NRXN3: variants seen among roughly 807,000 people sequenced by gnomAD.
NRXN3 encodes neurexin III.
Under a neutral mutation model 137.6 loss-of-function variants are expected in NRXN3, and 32 were observed. That is an observed-to-expected ratio of 0.23 (90% CI 0.18 to 0.31). The LOEUF (loss-of-function observed/expected upper bound fraction) is 0.31, where lower values mean the gene tolerates loss of function less well. NRXN3 is among the 10% of genes least tolerant of loss of function. The pLI, the probability that NRXN3 is intolerant of heterozygous loss-of-function variation, is 1.00. For synonymous variants in NRXN3, 798 were observed against 784.5 expected, an observed-to-expected ratio of 1.02 and a Z score of -0.29; for missense variants, 1,574 against 2,062.5, an observed-to-expected ratio of 0.76 and a Z score of 4.59.
At chr14:78,846,800 T>C (rs2099028375) in intron 10 of NRXN3, among the ~76,000 whole-genome samples, 1 of 152,136 alleles carries the variant, frequency 6.6e-6, no homozygotes, top group Non-Finnish European at 1.5e-5. Flanking sequence ...CCTCTGTGGT[T>C]TGCCTTCCCA....
chr14:78,270,872 T>C (rs182539961), intron 2 of NRXN3, among the ~76,000 whole-genome samples: 1 of 152,336 alleles, frequency 6.6e-6, no homozygotes, highest in East Asian at 1.9e-4. Flanking sequence ...TCGCTTTTGA[T>C]TATGCAGGAT....
chr14:79,260,982 C>A (rs1417715940), intron 15 of NRXN3, among the ~76,000 whole-genome samples: 2 of 152,192 alleles, frequency 1.3e-5, no homozygotes, highest in Non-Finnish European at 2.9e-5. Context: ...TACTTGCTGT[C>A]TGCAAAGATC....
intron 4 of NRXN3, among the ~76,000 whole-genome samples, chr14:78,366,775 C>G (rs2086016962): frequency 6.6e-6 from 1 of 152,188 alleles, no homozygotes; most frequent in Non-Finnish European, 1.5e-5. Flanking sequence ...CTCCATGATT[C>G]AATTACCTCC....
In NRXN3 at chr14:79,465,428, G is replaced by A. The variant is rs531962362; in HGVS notation, c.3263-1793G>A. ...ATTCATAAAAGGAAAATAATGTTAT[G>A]CTACATGTAATATACAAATTGAGCA... On this transcript the variant is annotated intron_variant, in intron 15 of 20. Transcript: ENST00000335750. Among the ~76,000 whole-genome samples, 15 of 152,238 alleles carry A rather than the reference G, an allele frequency of 9.9e-5. No homozygotes were observed. In the South Asian group the frequency reaches 3.1e-3, roughly 32 times the overall value.
intron 10 of NRXN3, among the ~76,000 whole-genome samples, chr14:78,887,621 A>G (rs1244870664): frequency 6.6e-6 from 1 of 152,066 alleles, no homozygotes; most frequent in African/African-American, 2.4e-5. Flanking sequence ...ACATTGCATT[A>G]TTATGAAGAT....
intron 19 of NRXN3, among the ~76,000 whole-genome samples, chr14:79,726,431 A>T (rs188292850): frequency 7.2e-5 from 11 of 152,062 alleles, no homozygotes; most frequent in South Asian, 2.1e-4. Flanking sequence ...ATTTTTTTTT[A>T]AAATCCTCCA....
At chr14:78,575,606 G>A (rs760653224) in intron 4 of NRXN3, among the ~76,000 whole-genome samples, 6 of 151,946 alleles carry the variant, frequency 3.9e-5, no homozygotes, top group Non-Finnish European at 8.8e-5. Context: ...AAACAGCAGT[G>A]GATAAAACAA....
chr14:79,413,824 T>C (rs914405970), intron 15 of NRXN3, among the ~76,000 whole-genome samples: 2 of 136,602 alleles, frequency 1.5e-5, no homozygotes, highest in South Asian at 2.2e-4. Context: ...ATTCAAATCA[T>C]GAGAGTTAAG....
intron 14 of NRXN3, among the ~76,000 whole-genome samples, chr14:78,985,021 A>T (rs1567900547): frequency 6.6e-6 from 1 of 152,244 alleles, no homozygotes; most frequent in Non-Finnish European, 1.5e-5. Flanking sequence ...CTGATTCTAC[A>T]TGGCCTTTGC....
At chr14:78,678,789 C>T (rs2098039636) in intron 6 of NRXN3, among the ~76,000 whole-genome samples, 1 of 152,142 alleles carries the variant, frequency 6.6e-6, no homozygotes, top group African/African-American at 2.4e-5. Flanking sequence ...CTCAAAGGTG[C>T]ATATATTGCA....
intron 4 of NRXN3, among the ~76,000 whole-genome samples, chr14:78,607,004 T>A (rs1317951912): frequency 6.6e-6 from 1 of 152,216 alleles, no homozygotes; most frequent in Admixed American, 6.5e-5. Context: ...CCTCCTAGGT[T>A]GAATTCCCTG....
At chr14:79,610,895 AG>A (rs2098090097) in intron 16 of NRXN3, among the ~76,000 whole-genome samples, 1 of 152,222 alleles carries the variant, frequency 6.6e-6, no homozygotes, top group Admixed American at 6.5e-5. Flanking sequence ...CTGGACAGAT[AG>A]CTGTCAATGC....
chr14:78,252,772 G>T (rs569692754), intron 2 of NRXN3, among the ~76,000 whole-genome samples: 2 of 152,324 alleles, frequency 1.3e-5, no homozygotes, highest in South Asian at 4.1e-4. Context: ...AGCTCTTGGA[G>T]AATAGAAAAA....
chr14:78,503,083 G>A (rs563969746), intron 4 of NRXN3, among the ~76,000 whole-genome samples: 6 of 152,200 alleles, frequency 3.9e-5, no homozygotes, highest in Admixed American at 3.3e-4. Context: ...ATATGAGGAT[G>A]GGTAAATGTC....
intron 4 of NRXN3, among the ~76,000 whole-genome samples, chr14:78,448,574 G>A (rs561504641): frequency 6.6e-6 from 1 of 152,174 alleles, no homozygotes; most frequent in Non-Finnish European, 1.5e-5. Flanking sequence ...TATTGACTTG[G>A]AAAGATCCCT....
At chr14:79,833,010 T>C (rs920003183) in intron 20 of NRXN3, among the ~76,000 whole-genome samples, 1 of 152,188 alleles carries the variant, frequency 6.6e-6, no homozygotes, top group Non-Finnish European at 1.5e-5. Flanking sequence ...AGGAGAAACC[T>C]ACTATTCAGT....
intron 15 of NRXN3, among the ~76,000 whole-genome samples, chr14:79,379,535 G>T (rs931812203): frequency 3.9e-5 from 6 of 152,126 alleles, no homozygotes; most frequent in Non-Finnish European, 8.8e-5. Context: ...ACTCTCGCTT[G>T]TATCTAAAAG....
intron 1 of NRXN3, among the ~76,000 whole-genome samples, chr14:78,175,051 G>A (rs574249408): frequency 3.3e-5 from 5 of 152,316 alleles, no homozygotes; most frequent in South Asian, 2.1e-4. Flanking sequence ...ACCCTCGGCC[G>A]TGAGAGCAGC....
intron 6 of NRXN3, among the ~76,000 whole-genome samples, chr14:78,703,459 G>A (rs1054478151): frequency 2.0e-5 from 3 of 152,144 alleles, no homozygotes; most frequent in African/African-American, 4.8e-5. Flanking sequence ...AATAAGATTA[G>A]CCCAGAAGTT....
Sources: gnomAD v4.1 joint callset for allele counts (sites outside exome capture counted in the v4.1 genomes callset) on GRCh38, gnomAD v4.1.1 for gene constraint, MANE v1.5 for transcripts, NCBI Gene and HGNC (gene_info 2026-07-23, HGNC 2026-07-21) for gene names.